PRDM16: variants seen among roughly 807,000 people sequenced by gnomAD.
The protein encoded by PRDM16 is PR/SET domain 16.
In PRDM16, 23 loss-of-function variants were observed where a neutral mutation model predicts 110.6. That is an observed-to-expected ratio of 0.21 (90% CI 0.15 to 0.29). The LOEUF (loss-of-function observed/expected upper bound fraction) is 0.29. PRDM16 is among the 10% of genes least tolerant of loss of function. PRDM16 has a pLI of 1.00. For synonymous variants in PRDM16, 799 were observed against 781.8 expected (o/e 1.02, Z -0.37); for missense variants, 1,615 against 1,794.3 (o/e 0.90, Z 1.81).
intron 3 of PRDM16, among the ~76,000 whole-genome samples, chr1:3,369,178 G>C (rs201937933): frequency 1.3e-5 from 2 of 152,146 alleles, no homozygotes; most frequent in African/African-American, 4.8e-5. Flanking sequence ...GCTGGAACTC[G>C]GGGGGAGCGA....
intron 3 of PRDM16, among the ~76,000 whole-genome samples, chr1:3,274,074 A>G (rs1640528743): frequency 6.6e-6 from 1 of 152,070 alleles, no homozygotes; most frequent in South Asian, 2.1e-4. Context: ...AATTGAGTAC[A>G]TTAAATAGAA....
At chr1:3,114,300 C>T (rs573290674) in intron 1 of PRDM16, among the ~76,000 whole-genome samples, 52 of 124,684 alleles carry the variant, frequency 4.2e-4, no homozygotes, top group Admixed American at 2.2e-3. Flanking sequence ...GAAACGCACA[C>T]GCACGCACAC....
intron 2 of PRDM16, among the ~76,000 whole-genome samples, chr1:3,226,386 G>T (rs771357466): frequency 9.2e-5 from 14 of 152,168 alleles, no homozygotes; most frequent in Non-Finnish European, 1.9e-4. Flanking sequence ...GCTGCGCCTG[G>T]CACCCCGGAT....
intron 1 of PRDM16, among the ~76,000 whole-genome samples, chr1:3,168,333 C>T (rs568973087): frequency 9.9e-5 from 11 of 110,878 alleles, no homozygotes; most frequent in African/African-American, 3.8e-4. Context: ...GCATCGCCCC[C>T]GTTCCCATGC....
intron 3 of PRDM16, among the ~76,000 whole-genome samples, chr1:3,344,979 G>A (rs1221063278): frequency 1.3e-5 from 2 of 152,200 alleles, no homozygotes; most frequent in Non-Finnish European, 2.9e-5. Flanking sequence ...GGGGTTTGAG[G>A]GGTGTATATG....
chr1:3,229,378 C>T (rs75572271), intron 2 of PRDM16, among the ~76,000 whole-genome samples: 138 of 152,312 alleles, frequency 9.1e-4, no homozygotes, highest in African/African-American at 3.2e-3. Context: ...CCCGGCCTCC[C>T]CTAGGTGGCC....
chr1:3,221,810 A>G (rs940052378), intron 2 of PRDM16, among the ~76,000 whole-genome samples: 1 of 152,266 alleles, frequency 6.6e-6, no homozygotes, highest in East Asian at 1.9e-4. Flanking sequence ...CAGGTCGTGC[A>G]TGCAAAACAC....
intron 1 of PRDM16, among the ~76,000 whole-genome samples, chr1:3,145,443 C>T (rs1643628567): frequency 6.6e-6 from 1 of 152,200 alleles, no homozygotes; most frequent in Non-Finnish European, 1.5e-5. Flanking sequence ...CCTCTGCAGC[C>T]CTGGAAGGAG....
chr1:3,427,414 C>T (rs2100695732), intron 14 of PRDM16, among the ~76,000 whole-genome samples: 1 of 152,292 alleles, frequency 6.6e-6, no homozygotes, highest in South Asian at 2.1e-4. Context: ...CAAGCTTTTA[C>T]CGCACTGGCC....
chr1:3,348,212 G>A (rs1296788710), intron 3 of PRDM16, among the ~76,000 whole-genome samples: 2 of 152,200 alleles, frequency 1.3e-5, no homozygotes, highest in African/African-American at 4.8e-5. Context: ...GTTCTGCAGG[G>A]TTTTGGCTGC....
At chr1:3,348,179 G>A (rs904575272) in intron 3 of PRDM16, among the ~76,000 whole-genome samples, 15 of 152,164 alleles carry the variant, frequency 9.9e-5, no homozygotes, top group African/African-American at 2.7e-4. Context: ...TGGCCCAACC[G>A]TAGCCCTCTG....
chr1:3,433,945 T>G lies in PRDM16; in HGVS notation c.*134T>G. On this transcript the variant is annotated 3_prime_UTR_variant, in exon 17 of 17. Coordinates refer to ENST00000270722, the MANE Select transcript of PRDM16 (RefSeq NM_022114.4). ...CATCCTCCCCACCCACCATGGTTCA[T>G]TCCGACTTTTCCAATGGAAACTCAG... 1.2e-6 allele frequency: 1 copy of G among 860,430 alleles called. No individual in the cohort carries two copies. The highest frequency in any genetic ancestry group is 1.7e-6 in the Non-Finnish European group (1 of 572,260). 53.3% of individuals were successfully genotyped at this position (860,430 alleles called of 1,614,324 possible).
intron 3 of PRDM16, among the ~76,000 whole-genome samples, chr1:3,329,119 C>T (rs1181668998): frequency 1.3e-5 from 2 of 152,246 alleles, no homozygotes; most frequent in African/African-American, 4.8e-5. Flanking sequence ...CCCCAAGGGC[C>T]TCCCAAACTG....
At chr1:3,286,920 G>A (rs867721202) in intron 3 of PRDM16, among the ~76,000 whole-genome samples, 1 of 151,650 alleles carries the variant, frequency 6.6e-6, no homozygotes, top group African/African-American at 2.4e-5. Context: ...TGGGTGCTGG[G>A]ACTCAAAGCT....
rs1644078168 is a variant in PRDM16 at position 3,175,803 on chromosome 1, A to G, written c.38-10322A>G. On this transcript the variant is annotated intron_variant, in intron 1 of 16. Transcript: ENST00000270722. The surrounding 1 kb of genome is among the most constrained non-coding windows in gnomAD (Gnocchi z 4.8). ...GAGAAAGCCCAGACGTTCCTCTCAGATGAGCCGATCAGGGTCAAGGGCAGA... is the reference window on the plus strand; with the variant it reads ...GAGAAAGCCCAGACGTTCCTCTCAGGTGAGCCGATCAGGGTCAAGGGCAGA... 1.3e-5 allele frequency among the ~76,000 whole-genome samples: 2 copies of G among 152,136 alleles called. No individual in the cohort carries two copies. Among genetic ancestry groups the G allele is most frequent in the Non-Finnish European group, 2.9e-5 (2 of 68,026 alleles).
At chr1:3,336,042 A>AT (rs1270239247) in intron 3 of PRDM16, among the ~76,000 whole-genome samples, 1 of 152,208 alleles carries the variant, frequency 6.6e-6, no homozygotes, top group Non-Finnish European at 1.5e-5. Context: ...TGCCCAGAGT[A>AT]TCGCTGACGC....
chr1:3,300,846 C>G (rs1641192700), intron 3 of PRDM16, among the ~76,000 whole-genome samples: 1 of 152,158 alleles, frequency 6.6e-6, no homozygotes, highest in Non-Finnish European at 1.5e-5. Flanking sequence ...CGCTTAGATC[C>G]CAGACCCAGA....
intron 1 of PRDM16, among the ~76,000 whole-genome samples, chr1:3,160,668 C>G (rs1471338023): frequency 6.6e-6 from 1 of 152,202 alleles, no homozygotes; most frequent in Non-Finnish European, 1.5e-5. Context: ...CCTAGAACCC[C>G]GTCTGGGGCT....
At chr1:3,180,976 A>C (rs1418852985) in intron 1 of PRDM16, among the ~76,000 whole-genome samples, 1 of 136,692 alleles carries the variant, frequency 7.3e-6, no homozygotes, top group East Asian at 2.0e-4. Context: ...ACTCGGTCTT[A>C]CACACGCAGT....
Sources: gnomAD v4.1 joint callset for allele counts (sites outside exome capture counted in the v4.1 genomes callset) on GRCh38, gnomAD v4.1.1 for gene constraint, Gnocchi (gnomAD v3.1) non-coding constraint, MANE v1.5 for transcripts, NCBI Gene and HGNC (gene_info 2026-07-23, HGNC 2026-07-21) for gene names.